Variants in CDH11 observed in about 807,000 individuals in gnomAD.
The protein encoded by CDH11 is cadherin-11.
Under a neutral mutation model 67.8 loss-of-function variants are expected in CDH11, and 11 were observed. The observed-to-expected ratio is 0.16, with a 90% CI of 0.10 to 0.27. CDH11 has a LOEUF of 0.27. Ranked by LOEUF, CDH11 falls within the 10% of genes least tolerant of loss-of-function variation. The pLI is 1.00. For missense variants in CDH11, 847 were observed against 1,031.2 expected (o/e 0.82, Z 2.45); for synonymous variants, 419 against 400.0 (o/e 1.05, Z -0.57).
chr16:64,975,322 G>A (rs1004595317), intron 8 of CDH11, among the ~76,000 whole-genome samples: 6 of 152,128 alleles, frequency 3.9e-5, no homozygotes, highest in African/African-American at 1.4e-4. Context: ...GAGAAATCAT[G>A]GAAGGCTTTG....
chr16:64,957,301 A>T (rs1297184033), intron 11 of CDH11, among the ~76,000 whole-genome samples: 1 of 152,072 alleles, frequency 6.6e-6, no homozygotes, highest in Non-Finnish European at 1.5e-5. Flanking sequence ...CAGTCTGAGG[A>T]TCCTCTCTGC....
At chr16:65,026,124 C>T (rs535681943) in intron 2 of CDH11, among the ~76,000 whole-genome samples, 2 of 152,316 alleles carry the variant, frequency 1.3e-5, no homozygotes, top group South Asian at 4.1e-4. Context: ...CATTAAACCC[C>T]TGCTTGCAAC....
intron 11 of CDH11, among the ~76,000 whole-genome samples, chr16:64,970,898 C>T (rs1567498017): frequency 6.6e-6 from 1 of 152,160 alleles, no homozygotes; most frequent in African/African-American, 2.4e-5. Flanking sequence ...AAAATATATA[C>T]ATATATTCAT....
intron 11 of CDH11, among the ~76,000 whole-genome samples, chr16:64,964,944 C>G (rs766299160): frequency 6.6e-6 from 1 of 152,004 alleles, no homozygotes; most frequent in African/African-American, 2.4e-5. Flanking sequence ...ATGTGCACAA[C>G]GTGCAGGTTT....
intron 1 of CDH11, among the ~76,000 whole-genome samples, chr16:65,055,734 T>C (rs2074131317): frequency 6.6e-6 from 1 of 152,178 alleles, no homozygotes; most frequent in African/African-American, 2.4e-5. Context: ...GCTGCTGGTA[T>C]AGAATGAATG....
intron 2 of CDH11, chr16:65,006,812 G>C (rs1270705885): frequency 2.6e-5 from 4 of 152,196 alleles, no homozygotes; most frequent in Non-Finnish European, 5.9e-5. Context: ...ATGGTTGCAG[G>C]TCTTTGCCAT....
In CDH11 at chr16:65,122,043, A is replaced by C; in HGVS notation, c.-461T>G. On this transcript the variant is annotated 5_prime_UTR_variant, in exon 1 of 13. Transcript: ENST00000268603. ...CTCCTCGGCCCGCGACGCTCCCCTC[A>C]GCTGGCGGCGGCCGCGGAATGAGCC... 1.6e-6 allele frequency: 1 copy of C among 639,442 alleles called. No homozygotes were observed. Among genetic ancestry groups the C allele is most frequent in the Non-Finnish European group, 2.8e-6 (1 of 353,476 alleles). The allele number at this position is 639,442 out of a possible 1,614,324, so 39.6% of individuals were successfully genotyped here.
At chr16:65,005,657 T>G (rs972924129) in intron 2 of CDH11, among the ~76,000 whole-genome samples, 1 of 152,048 alleles carries the variant, frequency 6.6e-6, no homozygotes, top group African/African-American at 2.4e-5. Flanking sequence ...ACAGGAGAAA[T>G]AATGGATTAA....
chr16:64,982,350 TG>T (rs2072376453), intron 7 of CDH11, 49 bp from the exon 8 acceptor site: 1 of 1,464,274 alleles, frequency 6.8e-7, no homozygotes, highest in Non-Finnish European at 9.5e-7. Flanking sequence ...GAAAGAATAA[TG>T]GAAGAGAAAG....
chr16:65,097,007 T>C (rs2074909861), intron 1 of CDH11, among the ~76,000 whole-genome samples: 1 of 152,186 alleles, frequency 6.6e-6, no homozygotes. Flanking sequence ...AGTAGTCTAT[T>C]ATTATGTTTT....
intron 11 of CDH11, among the ~76,000 whole-genome samples, chr16:64,965,729 T>C (rs944812876): frequency 6.6e-6 from 1 of 152,020 alleles, no homozygotes; most frequent in African/African-American, 2.4e-5. Flanking sequence ...TCTTTTTATA[T>C]GTGGTCTGCT....
At chr16:64,958,246 T>C (rs1245533231) in intron 11 of CDH11, among the ~76,000 whole-genome samples, 2 of 152,344 alleles carry the variant, frequency 1.3e-5, no homozygotes, top group African/African-American at 2.4e-5. Flanking sequence ...ATGAATCTCA[T>C]ATCAGTCTGA....
chr16:64,953,322 C>G (rs1056519927), intron 11 of CDH11, among the ~76,000 whole-genome samples: 1 of 150,930 alleles, frequency 6.6e-6, no homozygotes, highest in Admixed American at 6.6e-5. Context: ...ATGGCAGATT[C>G]AGTCTTATTT....
In CDH11 at chr16:64,991,790, G is replaced by A. The variant is rs1348089802; in HGVS notation, c.789C>T (p.Asp263=). The A allele has an allele frequency of 6.2e-7, 1 of 1,613,458 alleles. No individual in the cohort carries two copies. The highest frequency in any genetic ancestry group is 8.5e-7 in the Non-Finnish European group (1 of 1,179,586). Residue 263 remains aspartate, a synonymous_variant, in exon 6 of 13, where the codon GAC becomes GAT. Coordinates refer to ENST00000268603, the MANE Select transcript of CDH11 (RefSeq NM_001797.4). ...TACTCTGCGGAAACTTTGGTGGGTT[G>A]TCATTGACATCGGTCAGTGTGATCG... is the stretch of plus-strand genomic sequence containing the variant. The part of the protein sequence containing the change: ...KVTITLTDVN[D]NPPKFPQSVY...
intron 1 of CDH11, among the ~76,000 whole-genome samples, chr16:65,084,170 G>A (rs2074657390): frequency 6.6e-6 from 1 of 152,132 alleles, no homozygotes; most frequent in Admixed American, 6.5e-5. Context: ...AGGATGATAG[G>A]ATAATTTACA....
rs114022306 is a variant in CDH11, at chr16:65,004,536, G to T, written c.228+106C>A. The T allele has an allele frequency of 3.2e-3, 3,721 of 1,152,792 alleles. 100 individuals carry two copies. The African/African-American group carries it at 0.053, about 16-fold the overall frequency. The allele number at this position is 1,152,792 out of a possible 1,614,324, so 71.4% of individuals were successfully genotyped here. A position where few individuals can be genotyped will look rare whatever the true frequency, so the allele number is the denominator to read the frequency against. On this transcript the variant is annotated intron_variant, in intron 3 of 12. Coordinates refer to ENST00000268603, the MANE Select transcript of CDH11 (RefSeq NM_001797.4). Reference sequence around the variant, plus strand: ...GTTTTACTGGCTCTTCAAGCCATTGGTGTTTTCTCTCTTAGATGCCTGTGG... The same window carrying T: ...GTTTTACTGGCTCTTCAAGCCATTGTTGTTTTCTCTCTTAGATGCCTGTGG...
intron 2 of CDH11, among the ~76,000 whole-genome samples, chr16:65,035,591 T>A (rs9930183): frequency 0.054 from 8,209 of 152,264 alleles, 766 homozygotes; most frequent in African/African-American, 0.19. Flanking sequence ...GCTTTTTGAA[T>A]GCCAGGAGTG....
chr16:64,977,122 G>A (rs943275192), intron 8 of CDH11, among the ~76,000 whole-genome samples: 6 of 152,064 alleles, frequency 3.9e-5, no homozygotes, highest in Admixed American at 6.5e-5. Flanking sequence ...TCACCTGAGC[G>A]CAGGGAGCTC....
chr16:65,047,921 C>T (rs985318322), intron 2 of CDH11, among the ~76,000 whole-genome samples: 4 of 152,140 alleles, frequency 2.6e-5, no homozygotes, highest in Non-Finnish European at 5.9e-5. Flanking sequence ...CAGAAGTCAG[C>T]CCCTCTATGT....
Sources: gnomAD v4.1 joint callset for allele counts (sites outside exome capture counted in the v4.1 genomes callset) on GRCh38, gnomAD v4.1.1 for gene constraint, MANE v1.5 for transcripts, NCBI Gene and HGNC (gene_info 2026-07-23, HGNC 2026-07-21) for gene names.